Variants in SH3D19 observed in about 807,000 individuals in gnomAD.
SH3D19 encodes the protein SH3 domain-containing protein 19.
A neutral mutation model predicts 112.1 loss-of-function variants in SH3D19; 58 were observed. The ratio of observed to expected loss-of-function variants is 0.52; its 90% CI spans 0.42 to 0.64. The LOEUF (loss-of-function observed/expected upper bound fraction) is 0.64, where lower values mean the gene tolerates loss of function less well. SH3D19 is among the 30% of genes least tolerant of loss of function. The pLI, the probability that SH3D19 is intolerant of heterozygous loss-of-function variation, is 0.00. For synonymous variants in SH3D19, 391 were observed against 448.5 expected (o/e 0.87, Z 1.62); for missense variants, 1,090 against 1,263.4 (o/e 0.86, Z 2.08).
intron 1 of SH3D19, among the ~76,000 whole-genome samples, chr4:151,295,096 G>A (rs1160505707): frequency 6.6e-6 from 1 of 152,210 alleles, no homozygotes; most frequent in East Asian, 1.9e-4. Flanking sequence ...AGAAAGAAAG[G>A]GAGCAGGGGC....
intron 1 of SH3D19, among the ~76,000 whole-genome samples, chr4:151,237,209 C>G (rs1180719043): frequency 1.3e-5 from 2 of 152,216 alleles, no homozygotes; most frequent in Admixed American, 6.5e-5. Flanking sequence ...CTGTAACACT[C>G]ACCGCGAGGG....
chr4:151,155,931 T>C (rs117097503), intron 9 of SH3D19, among the ~76,000 whole-genome samples: 2,116 of 152,066 alleles, frequency 0.014, 56 homozygotes, highest in East Asian at 0.13. Flanking sequence ...CTAAAGACTC[T>C]ACCAAAAAAA....
chr4:151,135,948 G>A (rs1751742757), intron 14 of SH3D19, among the ~76,000 whole-genome samples: 1 of 152,028 alleles, frequency 6.6e-6, no homozygotes, highest in African/African-American at 2.4e-5. Flanking sequence ...AGGAGTTCGA[G>A]ACTAGTCCGG....
At chr4:151,161,603 G>A (rs1172166012) in intron 8 of SH3D19, among the ~76,000 whole-genome samples, 1 of 148,478 alleles carries the variant, frequency 6.7e-6, no homozygotes, top group Non-Finnish European at 1.5e-5. Flanking sequence ...TCCTCACTTT[G>A]TTTTTGTCTT....
At chr4:151,231,137 G>A (rs1331588695) in intron 1 of SH3D19, among the ~76,000 whole-genome samples, 1 of 152,064 alleles carries the variant, frequency 6.6e-6, no homozygotes, top group Non-Finnish European at 1.5e-5. Flanking sequence ...CTTATGACAA[G>A]CAGAATAAAT....
At chr4:151,311,890 G>A (rs1729494944) in intron 1 of SH3D19, among the ~76,000 whole-genome samples, 1 of 152,142 alleles carries the variant, frequency 6.6e-6, no homozygotes, top group South Asian at 2.1e-4. Flanking sequence ...AGTTGTGAGG[G>A]TAGGGGAAAT....
chr4:151,226,543 A>C (rs1003353464), intron 1 of SH3D19: 2 of 876,886 alleles, frequency 2.3e-6, no homozygotes, highest in East Asian at 1.2e-4. Context: ...TACTAAGACC[A>C]ATACAGCTTC....
At chr4:151,232,812 T>G (rs1769714933) in intron 1 of SH3D19, among the ~76,000 whole-genome samples, 1 of 152,186 alleles carries the variant, frequency 6.6e-6, no homozygotes. Context: ...TTCTTACTGC[T>G]GCTGTACCAA....
chr4:151,286,009 A>T (rs1194444604), intron 1 of SH3D19, among the ~76,000 whole-genome samples: 1 of 151,166 alleles, frequency 6.6e-6, no homozygotes, highest in Admixed American at 6.6e-5. Context: ...CAGCCTGAGC[A>T]ATACAGTGAG....
chr4:151,271,743 C>T (rs1303170203), intron 1 of SH3D19, among the ~76,000 whole-genome samples: 1 of 152,120 alleles, frequency 6.6e-6, no homozygotes, highest in Non-Finnish European at 1.5e-5. Context: ...AGTTCAATAA[C>T]AACAATAATA....
chr4:151,272,534 A>G (rs937090611), intron 1 of SH3D19, among the ~76,000 whole-genome samples: 1 of 152,240 alleles, frequency 6.6e-6, no homozygotes, highest in African/African-American at 2.4e-5. Flanking sequence ...TTGTTAAATC[A>G]GGATCCAAAC....
At chr4:151,265,577 T>TC (rs1772723882) in intron 1 of SH3D19, among the ~76,000 whole-genome samples, 1 of 146,426 alleles carries the variant, frequency 6.8e-6, no homozygotes, top group Non-Finnish European at 1.5e-5. Flanking sequence ...TTCTTTTTTT[T>TC]TTTTTTTTTT....
intron 2 of SH3D19, among the ~76,000 whole-genome samples, chr4:151,212,872 C>T (rs573181706): frequency 5.3e-4 from 81 of 152,268 alleles, no homozygotes; most frequent in African/African-American, 1.9e-3. Context: ...ATTGTAGATG[C>T]CATTAAGAAT....
At chr4:151,213,771 CTAGGCTCAGGGCT>C (rs966954075) in intron 2 of SH3D19, among the ~76,000 whole-genome samples, 5 of 151,756 alleles carry the variant, frequency 3.3e-5, no homozygotes, top group African/African-American at 1.2e-4. Context: ...CCTCAAACTC[CTAGGCTCAGGGCT>C]TAGCTAATCC....
chr4:151,287,200 G>A (rs974405378), intron 1 of SH3D19, among the ~76,000 whole-genome samples: 6 of 151,466 alleles, frequency 4.0e-5, no homozygotes, highest in South Asian at 2.1e-4. Flanking sequence ...AATTAGCTGG[G>A]TGTGGTGGCT....
chr4:151,190,898 G>A (rs1762507591), intron 2 of SH3D19, among the ~76,000 whole-genome samples: 1 of 152,178 alleles, frequency 6.6e-6, no homozygotes, highest in African/African-American at 2.4e-5. Context: ...AGCTTGCACT[G>A]TGCTCCTGGA....
At chr4:151,218,370 G>T (rs534790793) in intron 2 of SH3D19, among the ~76,000 whole-genome samples, 33 of 151,706 alleles carry the variant, frequency 2.2e-4, no homozygotes, top group South Asian at 1.7e-3. Flanking sequence ...ATTCAAAAAG[G>T]TCTCCTGATG....
At chr4:151,156,971 C>T (rs191125817) in intron 9 of SH3D19, among the ~76,000 whole-genome samples, 8 of 152,244 alleles carry the variant, frequency 5.3e-5, no homozygotes, top group Non-Finnish European at 7.4e-5. Flanking sequence ...ACAGCAAAAA[C>T]CCCAAACAAT....
Position 151,272,617 on chromosome 4 carries a change from C to A in SH3D19, c.113-46531G>T, listed in dbSNP as rs113644023. The stretch of plus-strand genomic sequence containing the variant: ...TTTTTACCTTCACAACATGGACTTA[C>A]AACAGTAACTGGGTCAGCTGCTTTG... On this transcript the variant is annotated intron_variant, in intron 1 of 19. Coordinates refer to ENST00000604030, the MANE Select transcript of SH3D19 (RefSeq NM_001378122.1). Among the ~76,000 whole-genome samples, 534 of 152,310 alleles carry A rather than the reference C, an allele frequency of 3.5e-3. 4 individuals are homozygous for A. The highest frequency in any genetic ancestry group is 0.012 in the African/African-American group (511 of 41,582).
Sources: gnomAD v4.1 joint callset for allele counts (sites outside exome capture counted in the v4.1 genomes callset) on GRCh38, gnomAD v4.1.1 for gene constraint, MANE v1.5 for transcripts, NCBI Gene and HGNC (gene_info 2026-07-23, HGNC 2026-07-21) for gene names.